Variants in PDXK observed in about 807,000 individuals in gnomAD.
PDXK encodes the protein epididymis secretory sperm binding protein Li 1a.
In PDXK, 15 loss-of-function variants were observed where a neutral mutation model predicts 43.2. That is an observed-to-expected ratio of 0.35 (90% CI 0.23 to 0.53). The LOEUF is 0.53. Ranked by LOEUF, PDXK falls within the 20% of genes least tolerant of loss-of-function variation. The pLI, the probability that PDXK is intolerant of heterozygous loss-of-function variation, is 0.92. For synonymous variants in PDXK, 172 were observed against 165.4 expected (o/e 1.04, Z -0.31); for missense variants, 343 against 417.0 (o/e 0.82, Z 1.54).
chr21:43,725,132 G>C (rs1037803124), intron 1 of PDXK, among the ~76,000 whole-genome samples: 5 of 151,938 alleles, frequency 3.3e-5, no homozygotes, highest in Non-Finnish European at 7.4e-5. Context: ...GACCAGTCTG[G>C]CTAACACGGT....
At position 43,754,436 on chromosome 21, in the gene PDXK, G is replaced by A. The variant is rs973605094; in HGVS notation, c.759+717G>A. On this transcript the variant is annotated intron_variant, in intron 9 of 10. Coordinates refer to ENST00000291565, the MANE Select transcript of PDXK (RefSeq NM_003681.5). This position sits in a 1 kb window ranked among gnomAD's most constrained non-coding sequence, Gnocchi z 5.5. ...TGTTGCAACTGTGGCGCTCAGATCC[G>A]TGACCTCCCGTGCTGCATGCAGCAG... 2.0e-5 allele frequency among the ~76,000 whole-genome samples: 3 copies of A among 152,176 alleles called. No individual in the cohort carries two copies. The highest frequency in any genetic ancestry group is 4.8e-5 in the African/African-American group (2 of 41,448).
At chr21:43,749,142 T>G in intron 6 of PDXK, 62 bp downstream of exon 6, 1 of 1,051,778 alleles carries the variant, frequency 9.5e-7, no homozygotes, top group South Asian at 1.4e-5. Context: ...CTCGCTCTTG[T>G]CACCCAGGCT....
rs2083860091 is a variant in PDXK, at chr21:43,756,817, C to T, written c.*754C>T. ...GAGTGACTTGAGGAAGATGCTAACG[C>T]AGTAAGGTCTGTGCTGGGCCAAGAG... On this transcript the variant is annotated 3_prime_UTR_variant, in exon 11 of 11. Coordinates refer to ENST00000291565, the MANE Select transcript of PDXK (RefSeq NM_003681.5). The T allele has an allele frequency of 6.6e-6, 1 of 152,276 alleles. No individual in the cohort carries two copies. The highest frequency in any genetic ancestry group is 2.4e-5 in the African/African-American group (1 of 41,458). 9.4% of individuals were successfully genotyped at this position (152,276 alleles called of 1,614,324 possible).
chr21:43,746,043 A>G, intron 4 of PDXK, 36 bp from the exon 5 acceptor site: 1 of 1,553,780 alleles, frequency 6.4e-7, no homozygotes, highest in Non-Finnish European at 8.9e-7. Context: ...CGTCAGCTGT[A>G]GCCTTTGCTG....
intron 2 of PDXK, among the ~76,000 whole-genome samples, chr21:43,736,368 G>A (rs946649360): frequency 2.0e-5 from 3 of 152,152 alleles, no homozygotes; most frequent in African/African-American, 4.8e-5. Flanking sequence ...GTGGCCCATC[G>A]TGCGTGCCCA....
Position 43,732,746 on chromosome 21 carries a change from T to G in PDXK, c.88-1323T>G, listed in dbSNP as rs1454676202. Reference sequence around the variant, plus strand: ...TGCAAAGTGCCCATTTTATTTTTTATTTTTATTTTTATGTTTTTTGAGACA... The same window carrying G: ...TGCAAAGTGCCCATTTTATTTTTTAGTTTTATTTTTATGTTTTTTGAGACA... On this transcript the variant is annotated intron_variant, in intron 1 of 10. Transcript: ENST00000291565. The surrounding 1 kb of genome is among the most constrained non-coding windows in gnomAD (Gnocchi z 4.1). 4 of 665,886 alleles carry G rather than the reference T, an allele frequency of 6.0e-6. No homozygotes were observed. The East Asian group carries it at 1.0e-4, about 17-fold the overall frequency. The allele number at this position is 665,886 out of a possible 1,614,324, so 41.2% of individuals were successfully genotyped here.
At chr21:43,727,044 C>CCG (rs369513074) in intron 1 of PDXK, among the ~76,000 whole-genome samples, 1 of 152,218 alleles carries the variant, frequency 6.6e-6, no homozygotes, top group African/African-American at 2.4e-5. Flanking sequence ...CCGGCCCCCC[C>CCG]GTCTTTCCTG....
At chr21:43,728,113 C>T (rs963976930) in intron 1 of PDXK, among the ~76,000 whole-genome samples, 2 of 152,154 alleles carry the variant, frequency 1.3e-5, no homozygotes, top group African/African-American at 4.8e-5. Context: ...GACCCTGGAG[C>T]TGTGAAGGCT....
chr21:43,724,508 G>T (rs562279641), intron 1 of PDXK, among the ~76,000 whole-genome samples: 1 of 152,140 alleles, frequency 6.6e-6, no homozygotes, highest in South Asian at 2.1e-4. Flanking sequence ...GTTGCTTGAG[G>T]GCCCTCAAGT....
In PDXK at chr21:43,734,117, C is replaced by T; in HGVS notation, c.136C>T (p.His46Tyr). 2 of 1,614,046 alleles carry T rather than the reference C, an allele frequency of 1.2e-6. No individual in the cohort carries two copies. Among genetic ancestry groups the T allele is most frequent in the Non-Finnish European group, 8.5e-7 (1 of 1,179,892 alleles). ...GGTGAACTCTGTCCAGTTTTCAAAC[C>T]ACACAGGTAAGGCGTTGGCTCCAGC... ...DAVNSVQFSN[H>Y]TGYAHWKGQV... Residue 46 changes from histidine to tyrosine, a missense_variant, in exon 2 of 11, where the codon CAC (histidine) becomes TAC (tyrosine). Transcript: ENST00000291565. The surrounding 1 kb of genome is among the most constrained non-coding windows in gnomAD (Gnocchi z 5.0).
In PDXK at chr21:43,752,755, A is replaced by G. The variant is rs1277716513; in HGVS notation, c.622+126A>G. 29 of 622,800 alleles carry G rather than the reference A, an allele frequency of 4.7e-5. No individual in the cohort carries two copies. In the East Asian group the frequency reaches 7.1e-4, roughly 15 times the overall value. The allele number at this position is 622,800 out of a possible 1,614,324, so 38.6% of individuals were successfully genotyped here. The stretch of plus-strand genomic sequence containing the variant: ...AAGCCTTATCCAGCACCGGGATGAC[A>G]CCCCCATTTTACAGACTCTCAGGGA... On this transcript the variant is annotated intron_variant, in intron 8 of 10. Coordinates refer to ENST00000291565, the MANE Select transcript of PDXK (RefSeq NM_003681.5).
At chr21:43,750,244 G>T (rs2083711050) in intron 6 of PDXK, among the ~76,000 whole-genome samples, 1 of 152,258 alleles carries the variant, frequency 6.6e-6, no homozygotes, top group Non-Finnish European at 1.5e-5. Context: ...GGCCGTGGCT[G>T]CTGTCCATCA....
chr21:43,750,363 G>T, intron 6 of PDXK, 137 bp from the exon 7 acceptor site: 1 of 716,980 alleles, frequency 1.4e-6, no homozygotes, highest in Non-Finnish European at 2.3e-6. Flanking sequence ...CCGGCCCAGG[G>T]TGGCCAGTGG....
intron 1 of PDXK, among the ~76,000 whole-genome samples, chr21:43,726,424 C>T (rs903364422): frequency 3.3e-5 from 5 of 151,896 alleles, no homozygotes; most frequent in African/African-American, 4.8e-5. Flanking sequence ...TACAGGCGCC[C>T]GCCACCACAC....
At chr21:43,742,844 G>C (rs956322468) in intron 3 of PDXK, among the ~76,000 whole-genome samples, 7 of 152,140 alleles carry the variant, frequency 4.6e-5, no homozygotes, top group Non-Finnish European at 4.4e-5. Context: ...CTCTGGACTA[G>C]GGGACAGAAT....
At chr21:43,749,404 A>C (rs2083695905) in intron 6 of PDXK, among the ~76,000 whole-genome samples, 1 of 152,236 alleles carries the variant, frequency 6.6e-6, no homozygotes, top group Admixed American at 6.5e-5. Flanking sequence ...CGTGCCCAGC[A>C]GAGTAAGTTA....
intron 4 of PDXK, among the ~76,000 whole-genome samples, chr21:43,744,264 G>C (rs1007974499): frequency 4.6e-5 from 7 of 152,188 alleles, no homozygotes; most frequent in African/African-American, 1.7e-4. Flanking sequence ...GGCCCGCTAG[G>C]GAGTGGCCAA....
intron 4 of PDXK, 200 bp from the exon 5 acceptor site, chr21:43,745,879 C>G: frequency 1.6e-6 from 1 of 608,586 alleles, no homozygotes. Context: ...TGCCTGTGGT[C>G]TCAGCCACTT....
chr21:43,725,523 C>T (rs1285656938), intron 1 of PDXK, among the ~76,000 whole-genome samples: 1 of 151,704 alleles, frequency 6.6e-6, no homozygotes, highest in Non-Finnish European at 1.5e-5. Flanking sequence ...AAAAAGCCAG[C>T]GCTGGGCCAG....
Sources: allele counts gnomAD v4.1 joint callset (sites outside exome capture counted in the v4.1 genomes callset), GRCh38; gene constraint gnomAD v4.1.1; non-coding constraint Gnocchi (gnomAD v3.1); transcripts MANE v1.5; gene names NCBI Gene and HGNC (gene_info 2026-07-23, HGNC 2026-07-21).